Variants in DOK5 observed in about 807,000 individuals in gnomAD.
The protein encoded by DOK5 is docking protein 5.
Under a neutral mutation model 43.3 loss-of-function variants are expected in DOK5, and 27 were observed. The ratio of observed to expected loss-of-function variants is 0.62; its 90% CI spans 0.46 to 0.86. DOK5 has a LOEUF of 0.86. DOK5 is among the 40% of genes least tolerant of loss of function. DOK5 has a pLI of 0.00. For synonymous variants in DOK5, 146 were observed against 140.1 expected (o/e 1.04, Z -0.30); for missense variants, 373 against 392.9 (o/e 0.95, Z 0.43).
At position 54,633,627 on chromosome 20, in the gene DOK5, C is replaced by T. The variant is rs776947790; in HGVS notation, c.736-9831C>T. Among the ~76,000 whole-genome samples the T allele has an allele frequency of 1.5e-3, 228 of 152,292 alleles. 3 individuals carry two copies. Among genetic ancestry groups the T allele is most frequent in the Admixed American group, 2.2e-3 (33 of 15,300 alleles). ...ATCTTATCAAGACAGTGTCTTTATTCAGTCGCTTTAGGGCCCAGGTTGAAT... is the reference window on the plus strand; with the variant it reads ...ATCTTATCAAGACAGTGTCTTTATTTAGTCGCTTTAGGGCCCAGGTTGAAT... On this transcript the variant is annotated intron_variant, in intron 6 of 7. Coordinates refer to ENST00000262593, the MANE Select transcript of DOK5 (RefSeq NM_018431.5).
At chr20:54,556,075 G>A (rs536390287) in intron 2 of DOK5, among the ~76,000 whole-genome samples, 4 of 152,306 alleles carry the variant, frequency 2.6e-5, no homozygotes, top group African/African-American at 9.6e-5. Context: ...AGAGAAATAA[G>A]GACTACGTTA....
intron 5 of DOK5, among the ~76,000 whole-genome samples, chr20:54,595,980 G>T (rs1157185133): frequency 6.6e-6 from 1 of 152,220 alleles, no homozygotes; most frequent in Non-Finnish European, 1.5e-5. Context: ...GACCTGGAAG[G>T]ATGCTGGGCT....
At chr20:54,637,973 TCAGC>T (rs1978910388) in intron 6 of DOK5, among the ~76,000 whole-genome samples, 2 of 152,120 alleles carry the variant, frequency 1.3e-5, no homozygotes, top group African/African-American at 4.8e-5. Context: ...ATACAAATAA[TCAGC>T]CAGGCGTGGT....
intron 6 of DOK5, among the ~76,000 whole-genome samples, chr20:54,628,363 C>T (rs572193775): frequency 7.9e-6 from 1 of 126,136 alleles, no homozygotes. Context: ...GAGCCGAGAT[C>T]GCGCCACTGC....
chr20:54,650,236 T>C (rs1979635373), intron 7 of DOK5, among the ~76,000 whole-genome samples, 179 bp from the exon 8 acceptor site: 1 of 152,212 alleles, frequency 6.6e-6, no homozygotes, highest in Non-Finnish European at 1.5e-5. Context: ...CACATGCAAA[T>C]GATACGTAAA....
chr20:54,608,091 A>G, intron 5 of DOK5, among the ~76,000 whole-genome samples: 1 of 152,178 alleles, frequency 6.6e-6, no homozygotes, highest in East Asian at 1.9e-4. Context: ...TAAAAATCTA[A>G]ACTACATTTC....
chr20:54,544,294 T>G (rs569639200), intron 1 of DOK5, among the ~76,000 whole-genome samples: 1 of 152,314 alleles, frequency 6.6e-6, no homozygotes, highest in Non-Finnish European at 1.5e-5. Flanking sequence ...AGATTTTTTT[T>G]CCTTCATAAA....
chr20:54,626,970 C>T (rs1483107412), intron 6 of DOK5, among the ~76,000 whole-genome samples: 5 of 152,174 alleles, frequency 3.3e-5, no homozygotes, highest in African/African-American at 4.8e-5. Flanking sequence ...ACAGCAGAGT[C>T]GAGTAGTTGG....
intron 2 of DOK5, among the ~76,000 whole-genome samples, chr20:54,572,462 G>A (rs909679484): frequency 6.6e-6 from 1 of 151,694 alleles, no homozygotes; most frequent in African/African-American, 2.4e-5. Flanking sequence ...GCATCCGGCC[G>A]CAACATTCTT....
chr20:54,593,043 G>A (rs1292879176), intron 5 of DOK5, among the ~76,000 whole-genome samples: 1 of 152,132 alleles, frequency 6.6e-6, no homozygotes, highest in East Asian at 1.9e-4. Flanking sequence ...CCCAATCCAT[G>A]TGAATGGATA....
chr20:54,511,498 G>A (rs77866807), intron 1 of DOK5, among the ~76,000 whole-genome samples: 1 of 152,322 alleles, frequency 6.6e-6, no homozygotes, highest in East Asian at 1.9e-4. Context: ...TAGTATGCTA[G>A]TTTGTTATAC....
intron 1 of DOK5, among the ~76,000 whole-genome samples, chr20:54,496,787 GA>G (rs376595754): frequency 4.7e-5 from 6 of 126,564 alleles, no homozygotes; most frequent in African/African-American, 9.5e-5. Flanking sequence ...AAAAAAAAAA[GA>G]AAAAAATGAA....
intron 6 of DOK5, among the ~76,000 whole-genome samples, chr20:54,619,023 TTATATATATATATATATATATATATATA>T (rs11468808): frequency 0.023 from 997 of 43,404 alleles, 49 homozygotes; most frequent in African/African-American, 0.059. Flanking sequence ...TTTCAATAAA[TTATATATATATATATATATATATATATA>T]TATATATATA....
intron 6 of DOK5, among the ~76,000 whole-genome samples, chr20:54,626,268 G>T (rs183595308): frequency 3.3e-5 from 5 of 152,118 alleles, no homozygotes; most frequent in African/African-American, 9.7e-5. Flanking sequence ...GGGAAAGAGC[G>T]GAGGTTTTTA....
chr20:54,603,523 G>A (rs1490797071), intron 5 of DOK5, among the ~76,000 whole-genome samples: 1 of 152,170 alleles, frequency 6.6e-6, no homozygotes, highest in Non-Finnish European at 1.5e-5. Context: ...CATTACCTGG[G>A]TTCTCCCTTG....
intron 5 of DOK5, among the ~76,000 whole-genome samples, chr20:54,595,440 C>A (rs184172596): frequency 1.1e-3 from 173 of 152,202 alleles, no homozygotes; most frequent in South Asian, 5.2e-3. Flanking sequence ...TCAAGTGAAA[C>A]AATGGTGGAT....
intron 1 of DOK5, among the ~76,000 whole-genome samples, chr20:54,516,824 G>T (rs565663160): frequency 1.3e-5 from 2 of 152,144 alleles, no homozygotes; most frequent in Non-Finnish European, 2.9e-5. Flanking sequence ...TACAGTCTAG[G>T]GGGTAGACCT....
intron 6 of DOK5, among the ~76,000 whole-genome samples, chr20:54,611,091 G>A (rs547638243): frequency 6.6e-6 from 1 of 152,276 alleles, no homozygotes; most frequent in African/African-American, 2.4e-5. Flanking sequence ...CACTTTGTGG[G>A]TCAAAGAGAA....
At chr20:54,591,528 A>G in intron 4 of DOK5, 88 bp from the exon 5 acceptor site, 1 of 1,024,616 alleles carries the variant, frequency 9.8e-7, no homozygotes, top group South Asian at 1.9e-5. Context: ...TGTGAACTTG[A>G]ATTGTTTTTA....
Sources: gnomAD v4.1 joint callset for allele counts (sites outside exome capture counted in the v4.1 genomes callset) on GRCh38, gnomAD v4.1.1 for gene constraint, MANE v1.5 for transcripts, NCBI Gene and HGNC (gene_info 2026-07-23, HGNC 2026-07-21) for gene names.